The following PLAT variants were observed in gnomAD, a reference collection of about 807,000 sequenced individuals.
PLAT encodes the protein plasminogen activator, tissue type, also known as tissue-type plasminogen activator.
Under a neutral mutation model 74.9 loss-of-function variants are expected in PLAT, and 48 were observed. The ratio of observed to expected loss-of-function variants is 0.64; its 90% CI spans 0.51 to 0.82. The LOEUF is 0.82. PLAT is among the 40% of genes least tolerant of loss of function. The pLI, the probability that PLAT is intolerant of heterozygous loss-of-function variation, is 0.00. For missense variants in PLAT, 673 were observed against 736.2 expected (o/e 0.91, Z 0.99); for synonymous variants, 307 against 294.4 (o/e 1.04, Z -0.44).
At position 42,180,744 on chromosome 8, in the gene PLAT, T is replaced by G. The variant is rs991954045; in HGVS notation, c.890-59A>C. On this transcript the variant is annotated intron_variant, in intron 9 of 13. Coordinates refer to ENST00000220809, the MANE Select transcript of PLAT (RefSeq NM_000930.5). Reference sequence around the variant, plus strand: ...CACAGGCCTCCTGCACGTGTGTAGGTAGAGTGAGGAGGCCATCAGCATGGC... The same window carrying G: ...CACAGGCCTCCTGCACGTGTGTAGGGAGAGTGAGGAGGCCATCAGCATGGC... 2.3e-6 allele frequency: 3 copies of G among 1,302,750 alleles called. No individual in the cohort carries two copies. In the African/African-American group the frequency reaches 4.5e-5, roughly 19 times the overall value. 80.7% of individuals were successfully genotyped at this position (1,302,750 alleles called of 1,614,324 possible). A position where few individuals can be genotyped will look rare whatever the true frequency, so the allele number is the denominator to read the frequency against.
chr8:42,188,115 A>C, intron 4 of PLAT, 99 bp from the exon 5 acceptor site: 1 of 685,010 alleles, frequency 1.5e-6, no homozygotes, highest in Non-Finnish European at 2.6e-6. Flanking sequence ...ACACACACTC[A>C]AGTCCTGCAG....
chr8:42,189,203 A>T, intron 3 of PLAT, 132 bp from the exon 4 acceptor site: 1 of 846,196 alleles, frequency 1.2e-6, no homozygotes, highest in Non-Finnish European at 1.9e-6. Context: ...TATTGAAGAG[A>T]CACAACTGGA....
At position 42,193,249 on chromosome 8, in the gene PLAT, G is replaced by A. The variant is rs946309566; in HGVS notation, c.-26-38C>T. 122 of 1,340,830 alleles carry A rather than the reference G, an allele frequency of 9.1e-5. 2 individuals are homozygous for A. The highest frequency in any genetic ancestry group is 6.1e-4 in the South Asian group (52 of 85,384). 83.1% of individuals were successfully genotyped at this position (1,340,830 alleles called of 1,614,324 possible). A position where few individuals can be genotyped will look rare whatever the true frequency, so the allele number is the denominator to read the frequency against. On this transcript the variant is annotated intron_variant, in intron 1 of 13. Coordinates refer to ENST00000220809, the MANE Select transcript of PLAT (RefSeq NM_000930.5). ...AAAAAACAGCTTGATCACGGGGTGCGAGAGGTCCATGATGGCAACAGAGGA... is the reference window on the plus strand; with the variant it reads ...AAAAAACAGCTTGATCACGGGGTGCAAGAGGTCCATGATGGCAACAGAGGA...
At chr8:42,189,197 G>A (rs993694481) in intron 3 of PLAT, 126 bp from the exon 4 acceptor site, 8 of 887,902 alleles carry the variant, frequency 9.0e-6, no homozygotes, top group Non-Finnish European at 1.0e-5. Context: ...CTCCCTTATT[G>A]AAGAGACACA....
chr8:42,205,097 C>T (rs1391665772), intron 1 of PLAT, among the ~76,000 whole-genome samples: 1 of 152,200 alleles, frequency 6.6e-6, no homozygotes, highest in African/African-American at 2.4e-5. Context: ...GATCTTTACC[C>T]TAAAACAGTT....
At chr8:42,194,235 AGAGAGAGTGTGTGTGTGTGT>A (rs1428037874) in intron 1 of PLAT, among the ~76,000 whole-genome samples, 23 of 63,576 alleles carry the variant, frequency 3.6e-4, no homozygotes, top group Admixed American at 6.4e-4. Flanking sequence ...AGAGAGAGAG[AGAGAGAGTGTGTGTGTGTGT>A]GTGTGTGTGT....
At position 42,176,231 on chromosome 8, in the gene PLAT, C is replaced by G. The variant is rs890180278; in HGVS notation, c.1531-80G>C. 4.0e-6 allele frequency: 4 copies of G among 1,009,434 alleles called. No homozygotes were observed. The African/African-American group carries it at 6.4e-5, about 16-fold the overall frequency. The allele number at this position is 1,009,434 out of a possible 1,614,324, so 62.5% of individuals were successfully genotyped here. A position where few individuals can be genotyped will look rare whatever the true frequency, so the allele number is the denominator to read the frequency against. ...AAGTCAGTATGTGTAGCATGAACAT[C>G]GTAATCTTCAAAATACAGCAGGCCC... On this transcript the variant is annotated intron_variant, in intron 13 of 13. Coordinates refer to ENST00000220809, the MANE Select transcript of PLAT (RefSeq NM_000930.5).
intron 1 of PLAT, among the ~76,000 whole-genome samples, chr8:42,195,221 C>G (rs187094212): frequency 6.9e-6 from 1 of 145,578 alleles, no homozygotes; most frequent in Admixed American, 6.8e-5. Context: ...TACTTCGAAA[C>G]GAACTCCCCC....
At chr8:42,191,829 C>A (rs1230347985) in intron 2 of PLAT, among the ~76,000 whole-genome samples, 1 of 152,028 alleles carries the variant, frequency 6.6e-6, no homozygotes, top group Admixed American at 6.6e-5. Flanking sequence ...TCACCTGGCT[C>A]TCCCCGCTGT....
At chr8:42,197,326 T>G (rs2129797766) in intron 1 of PLAT, among the ~76,000 whole-genome samples, 1 of 152,340 alleles carries the variant, frequency 6.6e-6, no homozygotes, top group African/African-American at 2.4e-5. Flanking sequence ...CTGGAAGCCG[T>G]GTTTGGTCTG....
chr8:42,182,657 C>T (rs141629301), intron 8 of PLAT, 62 bp downstream of exon 8: 143 of 1,276,170 alleles, frequency 1.1e-4, no homozygotes, highest in Non-Finnish European at 1.3e-4. Context: ...GATCTTCCCC[C>T]GTCTCACACC....
At chr8:42,195,901 A>G (rs1213389657) in intron 1 of PLAT, among the ~76,000 whole-genome samples, 1 of 152,224 alleles carries the variant, frequency 6.6e-6, no homozygotes, top group Admixed American at 6.5e-5. Context: ...CAAACGAGTG[A>G]GTACAAGGAA....
At chr8:42,200,674 CAAAA>C (rs10667666) in intron 1 of PLAT, among the ~76,000 whole-genome samples, 4 of 103,126 alleles carry the variant, frequency 3.9e-5, no homozygotes, top group East Asian at 2.8e-4. Flanking sequence ...GATCCTGTCT[CAAAA>C]AAAAAAAAAA....
At chr8:42,182,388 T>TTTTTTTTTTTTTTTTTTTTGAGACGG in intron 8 of PLAT, 11 of 258,696 alleles carry the variant, frequency 4.3e-5, no homozygotes, top group East Asian at 9.2e-5. Context: ...TGTAGTGTTC[T>TTTTTTTTTTTTTTTTTTTTGAGACGG]AATCTCATAG....
At chr8:42,180,802 G>A in intron 9 of PLAT, 117 bp from the exon 10 acceptor site, 1 of 698,824 alleles carries the variant, frequency 1.4e-6, no homozygotes, top group Non-Finnish European at 2.4e-6. Context: ...GGTGGGATCA[G>A]CATGCCGAAT....
chr8:42,196,438 G>C (rs1587942263), intron 1 of PLAT, among the ~76,000 whole-genome samples: 1 of 152,208 alleles, frequency 6.6e-6, no homozygotes, highest in Non-Finnish European at 1.5e-5. Context: ...AGCTGAAAAG[G>C]CCAAGTGGGG....
At chr8:42,178,326 A>G (rs2226944) in intron 13 of PLAT, among the ~76,000 whole-genome samples, 1 of 145,880 alleles carries the variant, frequency 6.9e-6, no homozygotes, top group Admixed American at 7.0e-5. Context: ...GCTGAAGCGC[A>G]ATGGCGCGAT....
chr8:42,181,438 C>CA (rs1564127332), intron 9 of PLAT, among the ~76,000 whole-genome samples: 1 of 152,184 alleles, frequency 6.6e-6, no homozygotes, highest in Non-Finnish European at 1.5e-5. Context: ...CCATTGGGGT[C>CA]AGAGGGCATG....
intron 10 of PLAT, 21 bp from the exon 11 acceptor site, chr8:42,180,399 G>A (rs368524202): frequency 1.2e-6 from 2 of 1,614,084 alleles, no homozygotes; most frequent in African/African-American, 1.3e-5. Flanking sequence ...AACAGCCTTA[G>A]AATGCTTTTT....
Sources: allele counts gnomAD v4.1 joint callset (sites outside exome capture counted in the v4.1 genomes callset), GRCh38; gene constraint gnomAD v4.1.1; transcripts MANE v1.5; gene names NCBI Gene and HGNC (gene_info 2026-07-23, HGNC 2026-07-21).